The following CCDC171 variants were observed in gnomAD, a reference collection of about 807,000 sequenced individuals.
CCDC171 encodes the protein coiled-coil domain-containing protein 171.
CCDC171 carries 177 observed loss-of-function variants against 168.2 expected under a neutral mutation model. The observed-to-expected ratio is 1.05, with a 90% confidence interval of 0.93 to 1.19. The LOEUF is 1.19. CCDC171 is among the 50% of genes most tolerant of loss of function. The pLI, the probability that CCDC171 is intolerant of heterozygous loss-of-function variation, is 0.00. For missense variants in CCDC171, 1,991 were observed against 1,539.0 expected, an observed-to-expected ratio of 1.29 and a Z score of -4.91; for synonymous variants, 687 against 540.8, an observed-to-expected ratio of 1.27 and a Z score of -3.75.
chr9:16,042,693 C>A (rs532303006), upstream of CCDC171: 1 of 152,088 alleles, frequency 6.6e-6, no homozygotes, highest in East Asian at 1.9e-4. Context: ...TGCAGTTTCT[C>A]TAGGGGTGAG....
chr9:16,015,582 C>A (rs1832991243), intron 3 of CCDC171, among the ~76,000 whole-genome samples: 1 of 152,210 alleles, frequency 6.6e-6, no homozygotes, highest in Admixed American at 6.5e-5. Context: ...TTCCTCCTCA[C>A]TGTACACTGT....
chr9:15,655,274 A>T (rs1037351837), intron 7 of CCDC171, among the ~76,000 whole-genome samples: 4 of 152,146 alleles, frequency 2.6e-5, no homozygotes, highest in Admixed American at 2.6e-4. Flanking sequence ...AGGGAAATCA[A>T]ATTAGTAATG....
chr9:15,648,542 C>A (rs989148206), intron 7 of CCDC171, among the ~76,000 whole-genome samples: 3 of 152,202 alleles, frequency 2.0e-5, no homozygotes, highest in Non-Finnish European at 4.4e-5. Flanking sequence ...TAAGCAATTT[C>A]AGCAAAGTCT....
At chr9:15,650,269 G>A (rs1454111814) in intron 7 of CCDC171, among the ~76,000 whole-genome samples, 3 of 152,130 alleles carry the variant, frequency 2.0e-5, no homozygotes, top group Non-Finnish European at 4.4e-5. Context: ...GGATGGGGGA[G>A]GGATAGCATT....
At chr9:16,098,922 A>G in the CCDC171 span, among the ~76,000 whole-genome samples, 2 of 152,184 alleles carry the variant, frequency 1.3e-5, no homozygotes, top group African/African-American at 4.8e-5. Context: ...TGCTCTGAGG[A>G]TTTCCAGTGC....
At chr9:15,700,056 C>G (rs2051582821) in intron 11 of CCDC171, among the ~76,000 whole-genome samples, 1 of 152,338 alleles carries the variant, frequency 6.6e-6, no homozygotes, top group Non-Finnish European at 1.5e-5. Flanking sequence ...CTCCTCAGCC[C>G]TTGGGTGGTC....
chr9:15,757,646 C>T (rs879654265), intron 18 of CCDC171, among the ~76,000 whole-genome samples: 1 of 152,192 alleles, frequency 6.6e-6, no homozygotes, highest in African/African-American at 2.4e-5. Flanking sequence ...GTCTCCAGGT[C>T]ACGTCAGAGG....
chr9:15,731,951 C>T (rs1037158057), intron 16 of CCDC171, among the ~76,000 whole-genome samples: 1 of 151,978 alleles, frequency 6.6e-6, no homozygotes, highest in African/African-American at 2.4e-5. Context: ...ATTCATGATG[C>T]TGAGCACCTT....
chr9:15,771,276 A>G (rs895553756), intron 18 of CCDC171, among the ~76,000 whole-genome samples: 9 of 152,186 alleles, frequency 5.9e-5, no homozygotes, highest in African/African-American at 2.2e-4. Context: ...AGAAAGTACT[A>G]TCAGTATTCT....
At chr9:15,627,879 C>T (rs1156960362) in intron 7 of CCDC171, among the ~76,000 whole-genome samples, 2 of 152,122 alleles carry the variant, frequency 1.3e-5, no homozygotes, top group Non-Finnish European at 2.9e-5. Flanking sequence ...TCCTTGTTAA[C>T]TTTCGTCTAG....
chr9:15,698,435 G>A (rs1279352125), intron 11 of CCDC171, among the ~76,000 whole-genome samples: 1 of 151,202 alleles, frequency 6.6e-6, no homozygotes, highest in African/African-American at 2.4e-5. Context: ...GCAGGAGAAT[G>A]GCATGAACCT....
At chr9:15,753,067 G>T (rs1321046679) in intron 18 of CCDC171, among the ~76,000 whole-genome samples, 2 of 152,026 alleles carry the variant, frequency 1.3e-5, no homozygotes, top group South Asian at 2.1e-4. Context: ...GTGTGAATTG[G>T]TCTGACGCTA....
intron 3 of CCDC171, among the ~76,000 whole-genome samples, chr9:16,013,718 C>T (rs1411118864): frequency 6.6e-6 from 1 of 152,130 alleles, no homozygotes; most frequent in African/African-American, 2.4e-5. Flanking sequence ...AAGTGAGTCA[C>T]AGATAATTTT....
intron 3 of CCDC171, among the ~76,000 whole-genome samples, chr9:15,576,949 G>A (rs938393338): frequency 6.6e-6 from 1 of 152,214 alleles, no homozygotes; most frequent in Non-Finnish European, 1.5e-5. Context: ...AGCAAGGAAA[G>A]GCTGGTTACC....
chr9:15,728,020 A>G lies in CCDC171; in HGVS notation c.1844A>G (p.Asn615Ser), dbSNP rs775179144. The change falls in exon 15 of 26, where the codon AAC becomes AGC. Residue 615 changes from asparagine (N) to serine (S), a missense_variant. By Grantham distance (46) the Asn-to-Ser change is conservative. Transcript: ENST00000380701. The part of the protein sequence containing the change: ...ENVDALIADL[N>S]RANEKIRHLE... ...GTTGATGCCCTGATTGCAGACCTCAACAGGGCTAATGAGAAGGTAACTGTC... is the reference window on the plus strand; with the variant it reads ...GTTGATGCCCTGATTGCAGACCTCAGCAGGGCTAATGAGAAGGTAACTGTC... The G allele has an allele frequency of 4.7e-5, 76 of 1,612,040 alleles. No homozygotes were observed. Among genetic ancestry groups the G allele is most frequent in the Middle Eastern group, 1.6e-4 (1 of 6,062 alleles).
At chr9:15,631,664 A>G (rs1169163382) in intron 7 of CCDC171, among the ~76,000 whole-genome samples, 1 of 152,212 alleles carries the variant, frequency 6.6e-6, no homozygotes, top group Non-Finnish European at 1.5e-5. Flanking sequence ...TCCCTAACTC[A>G]TTTTATGAGG....
intron 6 of CCDC171, among the ~76,000 whole-genome samples, 161 bp downstream of exon 6, chr9:15,594,333 T>A (rs2042190014): frequency 6.6e-6 from 1 of 152,284 alleles, no homozygotes; most frequent in African/African-American, 2.4e-5. Flanking sequence ...ATAGGGCAAC[T>A]GTTACCAACA....
intron 7 of CCDC171, among the ~76,000 whole-genome samples, chr9:15,629,118 G>C (rs921677479): frequency 6.6e-6 from 1 of 152,256 alleles, no homozygotes; most frequent in South Asian, 2.1e-4. Context: ...CTAAAAAGCA[G>C]AGCGCCTCTC....
chr9:15,722,546 A>G (rs2053551206), intron 12 of CCDC171, among the ~76,000 whole-genome samples: 1 of 152,236 alleles, frequency 6.6e-6, no homozygotes, highest in Non-Finnish European at 1.5e-5. Context: ...TTGTCAAATT[A>G]GCATATGAAG....
Sources: allele counts gnomAD v4.1 joint callset (sites outside exome capture counted in the v4.1 genomes callset), GRCh38; gene constraint gnomAD v4.1.1; transcripts MANE v1.5; gene names NCBI Gene and HGNC (gene_info 2026-07-23, HGNC 2026-07-21).